Variants in TP63 observed in about 807,000 individuals in gnomAD.
TP63 encodes the protein tumor protein p63, also known as tumor protein 63.
Under a neutral mutation model 82.8 loss-of-function variants are expected in TP63, and 17 were observed. The observed-to-expected ratio is 0.21, with a 90% CI of 0.14 to 0.31. The LOEUF (loss-of-function observed/expected upper bound fraction) is 0.31. TP63 is among the 10% of genes least tolerant of loss of function. TP63 has a pLI of 1.00. For synonymous variants in TP63, 330 were observed against 321.7 expected, an observed-to-expected ratio of 1.03 and a Z score of -0.28; for missense variants, 648 against 895.3, an observed-to-expected ratio of 0.72 and a Z score of 3.52.
chr3:189,872,433 A>C (rs919088869), intron 9 of TP63, among the ~76,000 whole-genome samples: 2 of 148,972 alleles, frequency 1.3e-5, no homozygotes, highest in East Asian at 3.9e-4. Flanking sequence ...ACACACACAC[A>C]TATTTTCTCC....
At chr3:189,841,470 C>G (rs1164077653) in intron 4 of TP63, among the ~76,000 whole-genome samples, 1 of 152,128 alleles carries the variant, frequency 6.6e-6, no homozygotes, top group African/African-American at 2.4e-5. Flanking sequence ...ATCAGACTGG[C>G]CTACCTAGTC....
intron 3 of TP63, among the ~76,000 whole-genome samples, chr3:189,788,780 T>G (rs1724826641): frequency 6.6e-6 from 1 of 152,058 alleles, no homozygotes; most frequent in South Asian, 2.1e-4. Context: ...AAAAGCCAAT[T>G]GATATCTTAT....
intron 3 of TP63, among the ~76,000 whole-genome samples, chr3:189,789,084 T>C (rs1724863365): frequency 6.6e-6 from 1 of 152,060 alleles, no homozygotes; most frequent in Non-Finnish European, 1.5e-5. Flanking sequence ...TCAGGTAGCT[T>C]ATTTTGTAAT....
chr3:189,794,034 A>G (rs777521394), intron 3 of TP63, among the ~76,000 whole-genome samples: 21 of 152,054 alleles, frequency 1.4e-4, no homozygotes, highest in Non-Finnish European at 2.5e-4. Flanking sequence ...TCTTAAGGAC[A>G]CAATTTGTGG....
chr3:189,720,133 C>T (rs1055934510), intron 1 of TP63, among the ~76,000 whole-genome samples: 1 of 152,066 alleles, frequency 6.6e-6, no homozygotes, highest in African/African-American at 2.4e-5. Flanking sequence ...TTTTCCACGC[C>T]ACCTCTGTCT....
rs920109971 is a variant in TP63, at chr3:189,645,328, C to T, written c.62+13751C>T. 5.8e-6 allele frequency: 3 copies of T among 519,392 alleles called. No homozygotes were observed. In the Admixed American group the frequency reaches 6.5e-5, roughly 11 times the overall value. 32.2% of individuals were successfully genotyped at this position (519,392 alleles called of 1,614,324 possible). ...CCTTCTTTGGTTCCTTTTCCACTTT[C>T]AGATCTTTCTTGAAGTCTAGTAAGC... On this transcript the variant is annotated intron_variant, in intron 1 of 13. Transcript: ENST00000264731.
At chr3:189,644,980 T>G (rs1296571790) in intron 1 of TP63, among the ~76,000 whole-genome samples, 1 of 151,998 alleles carries the variant, frequency 6.6e-6, no homozygotes, top group Non-Finnish European at 1.5e-5. Flanking sequence ...CCAATTCAGT[T>G]TGAGACAGAG....
the TP63 span, among the ~76,000 whole-genome samples, chr3:189,625,468 A>G: frequency 6.6e-6 from 1 of 152,092 alleles, no homozygotes; most frequent in Admixed American, 6.6e-5. Flanking sequence ...AAAAAAGGAC[A>G]ACTGAATGCA....
chr3:189,775,110 C>T (rs1479667771), intron 3 of TP63, among the ~76,000 whole-genome samples: 1 of 151,526 alleles, frequency 6.6e-6, no homozygotes, highest in Non-Finnish European at 1.5e-5. Flanking sequence ...GTCCCAGCTC[C>T]TTGGGAGGCT....
chr3:189,840,719 G>A (rs1330032803), intron 4 of TP63, among the ~76,000 whole-genome samples: 1 of 151,802 alleles, frequency 6.6e-6, no homozygotes, highest in Non-Finnish European at 1.5e-5. Flanking sequence ...TTAGCCGGGT[G>A]TAGTGGCAGG....
At chr3:189,757,327 G>A (rs1453346713) in intron 3 of TP63, among the ~76,000 whole-genome samples, 1 of 152,210 alleles carries the variant, frequency 6.6e-6, no homozygotes, top group Non-Finnish European at 1.5e-5. Context: ...ATGGCTGCCT[G>A]TGTTTGAATC....
In TP63 at chr3:189,779,175, T is replaced by A. The variant is rs541931784; in HGVS notation, c.325-29097T>A. Among the ~76,000 whole-genome samples, 9 of 152,332 alleles carry A rather than the reference T, an allele frequency of 5.9e-5. No individual in the cohort carries two copies. The East Asian group carries it at 1.7e-3, about 29-fold the overall frequency. On this transcript the variant is annotated intron_variant, in intron 3 of 13. Coordinates refer to ENST00000264731, the MANE Select transcript of TP63 (RefSeq NM_003722.5). ...ATATTAACACTAAAGTAGCTTTCAA[T>A]CTTTGCTGGAAATTACCTATATTTT... is the stretch of plus-strand genomic sequence containing the variant.
chr3:189,614,061 G>A, the TP63 span, among the ~76,000 whole-genome samples: 1 of 152,082 alleles, frequency 6.6e-6, no homozygotes, highest in Non-Finnish European at 1.5e-5. Context: ...AGGACTCTTG[G>A]GAAGGCATGA....
rs1226967824 is a variant in TP63, at chr3:189,896,624, T to C, written c.*2122T>C. ...GGTCCTAGTAAGAAGACAAACTGCT[T>C]CCCTTACTTTGCTGAGGGTTTGAAT... On this transcript the variant is annotated 3_prime_UTR_variant, in exon 14 of 14. Transcript: ENST00000264731. 13 of 208,550 alleles carry C rather than the reference T, an allele frequency of 6.2e-5. No individual in the cohort carries two copies. The highest frequency in any genetic ancestry group is 2.3e-5 in the African/African-American group (1 of 44,010). 12.9% of individuals were successfully genotyped at this position (208,550 alleles called of 1,614,324 possible).
At chr3:189,771,300 T>A (rs866329797) in intron 3 of TP63, among the ~76,000 whole-genome samples, 2 of 99,318 alleles carry the variant, frequency 2.0e-5, no homozygotes, top group African/African-American at 6.0e-5. Context: ...TATATTATAT[T>A]TATATATATA....
At chr3:189,687,359 C>A (rs1716530631) in intron 1 of TP63, among the ~76,000 whole-genome samples, 1 of 152,114 alleles carries the variant, frequency 6.6e-6, no homozygotes, top group Admixed American at 6.5e-5. Flanking sequence ...AAAACCAAGA[C>A]AAGAAATGGA....
intron 3 of TP63, among the ~76,000 whole-genome samples, chr3:189,775,276 T>C (rs960265811): frequency 1.3e-5 from 2 of 149,242 alleles, no homozygotes; most frequent in African/African-American, 4.9e-5. Flanking sequence ...ACTTGTAAAC[T>C]ACATATAAAG....
rs1179237891 is a variant in TP63, at chr3:189,822,162, A to G, written c.579+13636A>G. ...GTTATTGGTAGGATTTGATATAATAAGTATAAAGTGCCTAAAACAATGCCT... is the reference window on the plus strand; with the variant it reads ...GTTATTGGTAGGATTTGATATAATAGGTATAAAGTGCCTAAAACAATGCCT... On this transcript the variant is annotated intron_variant, in intron 4 of 13. Transcript: ENST00000264731. Among the ~76,000 whole-genome samples the G allele has an allele frequency of 2.0e-5, 3 of 152,302 alleles. No homozygotes were observed. In the East Asian group the frequency reaches 5.8e-4, roughly 29 times the overall value.
At chr3:189,723,821 A>T (rs1296819756) in intron 1 of TP63, among the ~76,000 whole-genome samples, 1 of 152,234 alleles carries the variant, frequency 6.6e-6, no homozygotes, top group African/African-American at 2.4e-5. Flanking sequence ...CTTGTTAGAT[A>T]GCATTTTATG....
Sources: gnomAD v4.1 joint callset for allele counts (sites outside exome capture counted in the v4.1 genomes callset) on GRCh38, gnomAD v4.1.1 for gene constraint, MANE v1.5 for transcripts, NCBI Gene and HGNC (gene_info 2026-07-23, HGNC 2026-07-21) for gene names.